MACROD2: variants seen among roughly 807,000 people sequenced by gnomAD.
MACROD2 encodes the protein ADP-ribose glycohydrolase MACROD2.
MACROD2 carries 36 observed loss-of-function variants against 70.4 expected under a neutral mutation model. The observed-to-expected ratio is 0.51, with a 90% confidence interval of 0.39 to 0.68. The LOEUF (loss-of-function observed/expected upper bound fraction) is 0.68, where lower values mean the gene tolerates loss of function less well. Among genes scored for constraint, MACROD2 ranks in the 30% least tolerant of loss-of-function variants. The pLI is 0.00. For synonymous variants in MACROD2, 172 were observed against 178.8 expected, an observed-to-expected ratio of 0.96 and a Z score of 0.30; for missense variants, 496 against 538.4, an observed-to-expected ratio of 0.92 and a Z score of 0.78.
In MACROD2 at chr20:14,482,848, T is replaced by C. The variant is rs954803387; in HGVS notation, c.272-10631T>C. 2.2e-4 allele frequency among the ~76,000 whole-genome samples: 33 copies of C among 152,238 alleles called. 1 individual carries two copies. Among genetic ancestry groups the C allele is most frequent in the Non-Finnish European group, 8.8e-5 (6 of 68,042 alleles). ...TGGGTTGGAGGGTATGGAACTTGGC[T>C]TCTCTTATGGGAGGTGCTTAAGAGT... On this transcript the variant is annotated intron_variant, in intron 3 of 17. Coordinates refer to ENST00000684519, the MANE Select transcript of MACROD2 (RefSeq NM_001351661.2).
At chr20:15,476,778 G>T (rs2047027956) in intron 7 of MACROD2, among the ~76,000 whole-genome samples, 1 of 152,180 alleles carries the variant, frequency 6.6e-6, no homozygotes. Context: ...CAGATAAAAT[G>T]GAATGTCTTC....
chr20:15,005,040 A>C (rs2075025044), intron 5 of MACROD2, among the ~76,000 whole-genome samples: 1 of 152,208 alleles, frequency 6.6e-6, no homozygotes, highest in South Asian at 2.1e-4. Context: ...TTCATTAGTG[A>C]TAACAATCTA....
chr20:15,996,328 G>T (rs1313680222), intron 15 of MACROD2, among the ~76,000 whole-genome samples: 1 of 151,984 alleles, frequency 6.6e-6, no homozygotes, highest in African/African-American at 2.4e-5. Flanking sequence ...GTCTACTGAG[G>T]TCTCGGTATC....
chr20:16,049,613 T>C (rs1157352998), intron 17 of MACROD2, among the ~76,000 whole-genome samples: 1 of 152,218 alleles, frequency 6.6e-6, no homozygotes, highest in Non-Finnish European at 1.5e-5. Flanking sequence ...CAATGTGGCA[T>C]ACATTTATTA....
intron 3 of MACROD2, among the ~76,000 whole-genome samples, chr20:14,298,950 C>T (rs1392442432): frequency 6.6e-6 from 1 of 152,144 alleles, no homozygotes; most frequent in Non-Finnish European, 1.5e-5. Flanking sequence ...AAAGTGGTTT[C>T]TTGAGATAGA....
At chr20:15,047,145 CATT>C (rs1342097847) in intron 5 of MACROD2, among the ~76,000 whole-genome samples, 2 of 152,140 alleles carry the variant, frequency 1.3e-5, no homozygotes, top group African/African-American at 2.4e-5. Flanking sequence ...GTTACATCAT[CATT>C]ATTTAGAAAA....
At chr20:14,368,852 A>G (rs1352948162) in intron 3 of MACROD2, among the ~76,000 whole-genome samples, 1 of 152,226 alleles carries the variant, frequency 6.6e-6, no homozygotes, top group Non-Finnish European at 1.5e-5. Context: ...AAACAAAACA[A>G]AAAACCTCTC....
At chr20:15,491,038 G>A (rs867481077) in intron 7 of MACROD2, among the ~76,000 whole-genome samples, 1 of 151,822 alleles carries the variant, frequency 6.6e-6, no homozygotes, top group Non-Finnish European at 1.5e-5. Flanking sequence ...AAAATTAAAC[G>A]AGGTAACACA....
In MACROD2 at chr20:15,936,105, T is replaced by C. The variant is rs143646005; in HGVS notation, c.839-1371T>C. Among the ~76,000 whole-genome samples the C allele has an allele frequency of 2.8e-4, 43 of 152,112 alleles. 1 individual carries two copies. The East Asian group carries it at 8.3e-3, about 29-fold the overall frequency. ...AGTTTTCATGCATATATGAGTTATC[T>C]TTAGTTCCCCGACCCTGCTACTACA... On this transcript the variant is annotated intron_variant, in intron 11 of 17. Transcript: ENST00000684519.
chr20:15,324,473 A>G (rs1478427605), intron 6 of MACROD2, among the ~76,000 whole-genome samples: 5 of 152,160 alleles, frequency 3.3e-5, no homozygotes. Context: ...CCTGTTTTGT[A>G]TGAGCTTTCT....
intron 5 of MACROD2, among the ~76,000 whole-genome samples, chr20:15,170,131 T>C (rs1254797168): frequency 6.6e-6 from 1 of 152,204 alleles, no homozygotes; most frequent in Non-Finnish European, 1.5e-5. Context: ...ACTCAACAAC[T>C]CTTTAGGTTA....
chr20:14,809,678 G>T (rs1465901767), intron 5 of MACROD2, among the ~76,000 whole-genome samples: 2 of 151,848 alleles, frequency 1.3e-5, no homozygotes, highest in African/African-American at 2.4e-5. Context: ...TAACAAAATA[G>T]ACTGCTAGCC....
chr20:15,346,040 G>T (rs903728462), intron 6 of MACROD2, among the ~76,000 whole-genome samples: 1 of 152,126 alleles, frequency 6.6e-6, no homozygotes, highest in Non-Finnish European at 1.5e-5. Context: ...TGGGATTTCA[G>T]CTGTTTGGGA....
chr20:15,521,310 T>C (rs1356588951), intron 8 of MACROD2, among the ~76,000 whole-genome samples: 1 of 152,168 alleles, frequency 6.6e-6, no homozygotes, highest in Non-Finnish European at 1.5e-5. Flanking sequence ...ATTCTAGAGA[T>C]GTAGAATTAG....
At chr20:15,829,847 G>A (rs1050480644) in intron 8 of MACROD2, among the ~76,000 whole-genome samples, 2 of 152,182 alleles carry the variant, frequency 1.3e-5, no homozygotes, top group African/African-American at 4.8e-5. Flanking sequence ...TGAGCATACA[G>A]AAGGGATTTA....
At chr20:15,967,252 C>T (rs2066153784) in intron 12 of MACROD2, among the ~76,000 whole-genome samples, 1 of 152,064 alleles carries the variant, frequency 6.6e-6, no homozygotes, top group Admixed American at 6.6e-5. Flanking sequence ...CCTTTTATGT[C>T]CTTTCCCATA....
At chr20:14,340,210 TGGCTCAG>T (rs2082999095) in intron 3 of MACROD2, among the ~76,000 whole-genome samples, 1 of 152,182 alleles carries the variant, frequency 6.6e-6, no homozygotes, top group African/African-American at 2.4e-5. Context: ...AGGAAGGACT[TGGCTCAG>T]GGTAGAGGAC....
At chr20:15,245,460 A>C (rs2077097660) in intron 6 of MACROD2, among the ~76,000 whole-genome samples, 1 of 152,212 alleles carries the variant, frequency 6.6e-6, no homozygotes, top group South Asian at 2.1e-4. Flanking sequence ...TGTTGTATTC[A>C]AATAACTGTG....
chr20:15,302,224 GA>G (rs2077651788), intron 6 of MACROD2, among the ~76,000 whole-genome samples: 1 of 152,116 alleles, frequency 6.6e-6, no homozygotes, highest in African/African-American at 2.4e-5. Context: ...ATGTCTTTCT[GA>G]AGGTCATTCC....
Sources: gnomAD v4.1 joint callset for allele counts (sites outside exome capture counted in the v4.1 genomes callset) on GRCh38, gnomAD v4.1.1 for gene constraint, MANE v1.5 for transcripts, NCBI Gene and HGNC (gene_info 2026-07-23, HGNC 2026-07-21) for gene names.